Variants in PDE4B observed in about 807,000 individuals in gnomAD.
The protein encoded by PDE4B is phosphodiesterase 4B, also known as 3',5'-cyclic-AMP phosphodiesterase 4B.
PDE4B carries 20 observed loss-of-function variants against 82.2 expected under a neutral mutation model. That is an observed-to-expected ratio of 0.24 (90% confidence interval 0.17 to 0.35). The LOEUF (loss-of-function observed/expected upper bound fraction) is 0.35. Among genes scored for constraint, PDE4B ranks in the 10% least tolerant of loss-of-function variants. The pLI is 1.00. For synonymous variants in PDE4B, 320 were observed against 318.9 expected (o/e 1.00, Z -0.04); for missense variants, 655 against 907.2 (o/e 0.72, Z 3.57).
At chr1:65,895,611 C>A (rs1047706134) in intron 1 of PDE4B, among the ~76,000 whole-genome samples, 2 of 145,870 alleles carry the variant, frequency 1.4e-5, no homozygotes, top group South Asian at 4.3e-4. Context: ...TCTACATGAA[C>A]ATTGACCGTG....
intron 1 of PDE4B, among the ~76,000 whole-genome samples, chr1:65,849,492 G>A (rs540971017): frequency 6.6e-6 from 1 of 152,278 alleles, no homozygotes; most frequent in Non-Finnish European, 1.5e-5. Context: ...TGGTTAAGTA[G>A]AGTTGTCCGG....
At chr1:66,355,998 T>G (rs1662209873) in intron 9 of PDE4B, among the ~76,000 whole-genome samples, 2 of 152,166 alleles carry the variant, frequency 1.3e-5, no homozygotes, top group African/African-American at 2.4e-5. Flanking sequence ...AGCCTTTCAC[T>G]TCCTCCAATA....
intron 1 of PDE4B, among the ~76,000 whole-genome samples, chr1:65,905,379 ATCCAG>A (rs1647017641): frequency 6.6e-6 from 1 of 152,088 alleles, no homozygotes; most frequent in Non-Finnish European, 1.5e-5. Context: ...TACACTCTAC[ATCCAG>A]TCGAACTAAA....
intron 3 of PDE4B, among the ~76,000 whole-genome samples, chr1:66,165,262 C>A (rs1476889494): frequency 6.6e-6 from 1 of 152,028 alleles, no homozygotes; most frequent in Non-Finnish European, 1.5e-5. Flanking sequence ...TTTATAATAG[C>A]TATTGTTATT....
At chr1:66,228,491 G>A (rs1651650379) in intron 3 of PDE4B, among the ~76,000 whole-genome samples, 1 of 152,114 alleles carries the variant, frequency 6.6e-6, no homozygotes, top group Non-Finnish European at 1.5e-5. Context: ...AGACATGGTG[G>A]TGGGCGCCTG....
intron 3 of PDE4B, among the ~76,000 whole-genome samples, chr1:65,997,080 T>C (rs982832015): frequency 2.0e-5 from 3 of 152,098 alleles, no homozygotes; most frequent in Non-Finnish European, 4.4e-5. Context: ...CATTAGCAAC[T>C]TGATGCTCTC....
intron 9 of PDE4B, 66 bp downstream of exon 9, chr1:66,355,686 A>G: frequency 1.2e-6 from 1 of 857,774 alleles, no homozygotes; most frequent in Non-Finnish European, 1.9e-6. Flanking sequence ...TCTACAACCT[A>G]TCAAGGACAT....
chr1:66,352,762 T>C (rs1185212618), intron 8 of PDE4B, among the ~76,000 whole-genome samples: 4 of 152,198 alleles, frequency 2.6e-5, no homozygotes. Context: ...CTGGTCATTT[T>C]AGGTATTCAA....
At chr1:66,016,819 T>C (rs1358107019) in intron 3 of PDE4B, among the ~76,000 whole-genome samples, 1 of 152,242 alleles carries the variant, frequency 6.6e-6, no homozygotes, top group Non-Finnish European at 1.5e-5. Flanking sequence ...CAATGCTTGC[T>C]TTTGAGTCAG....
At chr1:65,957,885 G>T (rs1188552110) in intron 3 of PDE4B, among the ~76,000 whole-genome samples, 2 of 151,932 alleles carry the variant, frequency 1.3e-5, no homozygotes, top group African/African-American at 4.8e-5. Context: ...GTTTGTTATT[G>T]ATTATTATGC....
intron 7 of PDE4B, among the ~76,000 whole-genome samples, chr1:66,274,819 A>G (rs1400412121): frequency 6.6e-6 from 1 of 152,240 alleles, no homozygotes; most frequent in Admixed American, 6.5e-5. Context: ...GTGGTAGCTA[A>G]GATCCCAGCC....
chr1:66,333,742 G>A (rs1423096117), intron 8 of PDE4B, among the ~76,000 whole-genome samples: 2 of 152,156 alleles, frequency 1.3e-5, no homozygotes. Context: ...TCTGCGCAGA[G>A]GAAGCAGTGT....
At chr1:66,200,718 G>T (rs1648831049) in intron 3 of PDE4B, among the ~76,000 whole-genome samples, 1 of 152,174 alleles carries the variant, frequency 6.6e-6, no homozygotes, top group Non-Finnish European at 1.5e-5. Flanking sequence ...CTTTGCTGAA[G>T]TTGCTTATCA....
chr1:66,367,378 A>C (rs1663326660), intron 13 of PDE4B: 3 of 184,060 alleles, frequency 1.6e-5, no homozygotes, highest in Non-Finnish European at 3.4e-5. Flanking sequence ...AGATACATAA[A>C]AATAGGATTT....
intron 3 of PDE4B, among the ~76,000 whole-genome samples, chr1:66,152,811 C>A (rs1458882096): frequency 6.6e-6 from 1 of 151,938 alleles, no homozygotes; most frequent in Non-Finnish European, 1.5e-5. Flanking sequence ...GTTAGGCTAG[C>A]AGACTGGAAA....
rs1447695472 is a variant in PDE4B, at chr1:65,798,384, G to A, written c.-71+5136G>A. The stretch of plus-strand genomic sequence containing the variant: ...CGCCATTCTCCTGCCTCAGCCTCCC[G>A]AGTAGCTGGGACTACAGGCGCCCGC... On this transcript the variant is annotated intron_variant, in intron 1 of 16. Coordinates refer to ENST00000341517, the MANE Select transcript of PDE4B (RefSeq NM_002600.4). Among the ~76,000 whole-genome samples, 2 of 85,790 alleles carry A rather than the reference G, an allele frequency of 2.3e-5. 1 individual carries two copies. Among genetic ancestry groups the A allele is most frequent in the Non-Finnish European group, 3.9e-5 (2 of 51,044 alleles). The allele number at this position is 85,790 out of a possible 152,430, so 56.3% of individuals were successfully genotyped here. A position where few individuals can be genotyped will look rare whatever the true frequency, so the allele number is the denominator to read the frequency against.
intron 7 of PDE4B, among the ~76,000 whole-genome samples, chr1:66,317,551 T>G (rs1659111596): frequency 6.6e-6 from 1 of 152,060 alleles, no homozygotes; most frequent in Non-Finnish European, 1.5e-5. Flanking sequence ...CACTGAAGGG[T>G]GCCTCAAAGA....
chr1:66,058,981 C>T (rs1024921799), intron 3 of PDE4B, among the ~76,000 whole-genome samples: 2 of 152,190 alleles, frequency 1.3e-5, no homozygotes, highest in Non-Finnish European at 2.9e-5. Context: ...ATTTTTTGAA[C>T]TCTTATGCTC....
rs1655653919 is a variant in PDE4B at position 66,273,453 on chromosome 1, G to A, written c.634+7366G>A. Among the ~76,000 whole-genome samples the A allele has an allele frequency of 2.0e-5, 3 of 152,162 alleles. No homozygotes were observed. The South Asian group carries it at 6.2e-4, about 32-fold the overall frequency. On this transcript the variant is annotated intron_variant, in intron 7 of 16. Transcript: ENST00000341517. ...ATATATAGTCTCAATTCAGGGCCTG[G>A]GCCCTGATATATACTATGTGCATAG...
Sources: gnomAD v4.1 joint callset for allele counts (sites outside exome capture counted in the v4.1 genomes callset) on GRCh38, gnomAD v4.1.1 for gene constraint, MANE v1.5 for transcripts, NCBI Gene and HGNC (gene_info 2026-07-23, HGNC 2026-07-21) for gene names.